Variants in FARSB observed in about 807,000 individuals in gnomAD.
FARSB encodes the protein phenylalanyl-tRNA synthetase subunit beta, also known as phenylalanine--tRNA ligase beta subunit.
A neutral mutation model predicts 69.6 loss-of-function variants in FARSB; 40 were observed. That is an observed-to-expected ratio of 0.57 (90% CI 0.45 to 0.75). The LOEUF (loss-of-function observed/expected upper bound fraction) is 0.75. Among genes scored for constraint, FARSB ranks in the 30% least tolerant of loss-of-function variants. The probability of loss-of-function intolerance (pLI) is 0.00; values close to 1 mark genes in which losing one functional copy is unlikely to be tolerated. For synonymous variants in FARSB, 235 were observed against 247.2 expected (o/e 0.95, Z 0.46); for missense variants, 632 against 722.9 (o/e 0.87, Z 1.44).
intron 7 of FARSB, 47 bp from the exon 8 acceptor site, chr2:222,631,721 A>C (rs1253730292): frequency 3.8e-6 from 4 of 1,039,358 alleles, no homozygotes; most frequent in Non-Finnish European, 6.0e-6. Context: ...AATTTCAGAA[A>C]TAGAAGTGCA....
chr2:222,637,087 A>G (rs1489270086), intron 5 of FARSB, among the ~76,000 whole-genome samples: 1 of 152,230 alleles, frequency 6.6e-6, no homozygotes, highest in African/African-American at 2.4e-5. Context: ...CAGAGATGAA[A>G]AGTAAAATAA....
intron 16 of FARSB, among the ~76,000 whole-genome samples, chr2:222,583,427 G>A (rs925636117): frequency 2.6e-5 from 4 of 152,168 alleles, no homozygotes; most frequent in African/African-American, 9.7e-5. Context: ...CCACTTCATA[G>A]CATGCATTGG....
chr2:222,624,264 A>C lies in FARSB; in HGVS notation c.1170+8T>G. ...ATAAGGAGTGTTTATTTAAGGGTGC[A>C]ATCTTACTTGATTAGCTATGGTGTA... On this transcript the variant is annotated splice_region_variant and intron_variant, in intron 12 of 16. Transcript: ENST00000281828. The C allele has an allele frequency of 6.4e-7, 1 of 1,564,902 alleles. No homozygotes were observed. The highest frequency in any genetic ancestry group is 2.2e-4 in the Middle Eastern group (1 of 4,566).
intron 16 of FARSB, among the ~76,000 whole-genome samples, chr2:222,576,718 G>A (rs1046029316): frequency 6.6e-6 from 1 of 152,094 alleles, no homozygotes; most frequent in African/African-American, 2.4e-5. Context: ...AAATTGACAG[G>A]GTGGGTGACA....
At chr2:222,632,069 T>TGGCACGACATGGTGCAAC (rs1559211042) in intron 7 of FARSB, among the ~76,000 whole-genome samples, 3 of 151,918 alleles carry the variant, frequency 2.0e-5, no homozygotes, top group South Asian at 2.1e-4. Flanking sequence ...CATGGTGCAA[T>TGGCACGACATGGTGCAAC]GGCACGAGAG....
chr2:222,643,001 G>A lies in FARSB; in HGVS notation c.119C>T (p.Ser40Phe). 1 of 1,583,448 alleles carries A rather than the reference G, an allele frequency of 6.3e-7. No individual in the cohort carries two copies. Among genetic ancestry groups the A allele is most frequent in the Non-Finnish European group, 8.6e-7 (1 of 1,163,144 alleles). Residue 40 changes from serine to phenylalanine, a missense_variant, in exon 3 of 17, where the codon TCT becomes TTT. Ser to Phe is a radical substitution (Grantham distance 155). Coordinates refer to ENST00000281828, the MANE Select transcript of FARSB (RefSeq NM_005687.5). ...EFGLELDEIT[S>F]EKEIISKEQG... The stretch of plus-strand genomic sequence containing the variant: ...TTCTTTACTTATTATTTCCTTCTCA[G>A]ATGTCTAAAACAAGCCAAAAAGTAA...
chr2:222,605,419 A>G (rs1208586128), intron 15 of FARSB, among the ~76,000 whole-genome samples: 1 of 152,160 alleles, frequency 6.6e-6, no homozygotes, highest in East Asian at 1.9e-4. Flanking sequence ...CAGTAATACT[A>G]CCATTAAGAG....
At position 222,630,114 on chromosome 2, in the gene FARSB, T is replaced by C. The variant is rs377151075; in HGVS notation, c.847A>G (p.Thr283Ala). The C allele has an allele frequency of 3.9e-6, 6 of 1,545,130 alleles. No individual in the cohort carries two copies. The African/African-American group carries it at 8.4e-5, about 22-fold the overall frequency. Residue 283 changes from threonine to alanine, a missense_variant and splice_region_variant, in exon 9 of 17, where the codon ACG becomes GCG. Transcript: ENST00000281828. ...MFSEYCENQFTVEAAEVVFPN... is the reference protein window; with the variant it reads ...MFSEYCENQFAVEAAEVVFPN... The stretch of plus-strand genomic sequence containing the variant: ...AATAAAGGTGCTGGATGAACTTACG[T>C]AAATTGATTCTCACAATATTCACTG...
At chr2:222,595,664 A>G (rs1690391069) in intron 16 of FARSB, among the ~76,000 whole-genome samples, 1 of 152,140 alleles carries the variant, frequency 6.6e-6, no homozygotes, top group Admixed American at 6.6e-5. Context: ...GAAATAGGTA[A>G]CAAGCTAAAG....
chr2:222,610,015 G>A (rs1242207706), intron 15 of FARSB, among the ~76,000 whole-genome samples: 1 of 152,128 alleles, frequency 6.6e-6, no homozygotes, highest in Non-Finnish European at 1.5e-5. Context: ...AGCTACCAAG[G>A]GGCAACTGGT....
chr2:222,623,154 C>T (rs1481950361), intron 13 of FARSB, among the ~76,000 whole-genome samples: 1 of 152,106 alleles, frequency 6.6e-6, no homozygotes, highest in Non-Finnish European at 1.5e-5. Flanking sequence ...GGGAAATTTC[C>T]TTCTGATTTT....
intron 5 of FARSB, 26 bp downstream of exon 5, chr2:222,639,554 G>T: frequency 8.8e-7 from 1 of 1,130,624 alleles, no homozygotes; most frequent in African/African-American, 1.5e-5. Context: ...GGGAAGGCAA[G>T]GAAGAAAGAA....
At position 222,634,465 on chromosome 2, in the gene FARSB, G is replaced by A; in HGVS notation, c.532C>T (p.Pro178Ser). The A allele has an allele frequency of 6.2e-7, 1 of 1,612,338 alleles. No homozygotes were observed. Among genetic ancestry groups the A allele is most frequent in the Non-Finnish European group, 8.5e-7 (1 of 1,178,638 alleles). ...AGAGGCTTGAATTTGATATCTGAAGGACGCTTTGCAGTATAAGTAAATGGG... is the reference window on the plus strand; with the variant it reads ...AGAGGCTTGAATTTGATATCTGAAGAACGCTTTGCAGTATAAGTAAATGGG... The part of the protein sequence containing the change: ...SGPFTYTAKR[P>S]SDIKFKPLNK... Residue 178 changes from proline to serine, a missense_variant, in exon 6 of 17, where the codon CCT (proline) becomes TCT (serine). Pro to Ser is a moderately conservative substitution (Grantham distance 74). Coordinates refer to ENST00000281828, the MANE Select transcript of FARSB (RefSeq NM_005687.5).
At chr2:222,633,338 T>G (rs984565802) in intron 6 of FARSB, 31 bp from the exon 7 acceptor site, 13 of 840,698 alleles carry the variant, frequency 1.5e-5, no homozygotes, top group East Asian at 9.2e-5. Context: ...ATAAAATTAG[T>G]TTTTTTTTTT....
intron 16 of FARSB, among the ~76,000 whole-genome samples, chr2:222,572,661 C>T (rs902087083): frequency 5.3e-5 from 8 of 152,308 alleles, no homozygotes; most frequent in Admixed American, 6.5e-5. Flanking sequence ...TACTGTAAAA[C>T]CACAGCAAAG....
At chr2:222,577,662 G>A (rs1689870118) in intron 16 of FARSB, among the ~76,000 whole-genome samples, 1 of 152,198 alleles carries the variant, frequency 6.6e-6, no homozygotes, top group Non-Finnish European at 1.5e-5. Flanking sequence ...ATGGAGCAAT[G>A]TCTTCAATAA....
At chr2:222,640,008 C>T (rs1218800282) in intron 4 of FARSB, among the ~76,000 whole-genome samples, 1 of 152,116 alleles carries the variant, frequency 6.6e-6, no homozygotes, top group Non-Finnish European at 1.5e-5. Flanking sequence ...TAATGTTCCA[C>T]AATTTAAACA....
chr2:222,592,163 C>T (rs1253565182), intron 16 of FARSB, among the ~76,000 whole-genome samples: 1 of 152,150 alleles, frequency 6.6e-6, no homozygotes, highest in African/African-American at 2.4e-5. Flanking sequence ...TTTTATTTCT[C>T]TCTCTTGTTA....
chr2:222,642,054 G>A (rs1343874388), intron 3 of FARSB, among the ~76,000 whole-genome samples: 2 of 149,680 alleles, frequency 1.3e-5, no homozygotes, highest in Non-Finnish European at 2.9e-5. Flanking sequence ...AGGCTGGAGT[G>A]CAGTGGTGCA....
Sources: gnomAD v4.1 joint callset for allele counts (sites outside exome capture counted in the v4.1 genomes callset) on GRCh38, gnomAD v4.1.1 for gene constraint, MANE v1.5 for transcripts, NCBI Gene and HGNC (gene_info 2026-07-23, HGNC 2026-07-21) for gene names.